SEMA6D: variants seen among roughly 807,000 people sequenced by gnomAD.
The protein encoded by SEMA6D is semaphorin-6D.
Under a neutral mutation model 106.6 loss-of-function variants are expected in SEMA6D, and 35 were observed. The ratio of observed to expected loss-of-function variants is 0.33; its 90% confidence interval spans 0.25 to 0.44. The LOEUF (loss-of-function observed/expected upper bound fraction) is 0.44. SEMA6D is among the 20% of genes least tolerant of loss of function. The pLI, the probability that SEMA6D is intolerant of heterozygous loss-of-function variation, is 1.00. For synonymous variants in SEMA6D, 499 were observed against 487.7 expected, an observed-to-expected ratio of 1.02 and a Z score of -0.31; for missense variants, 1,185 against 1,345.9, an observed-to-expected ratio of 0.88 and a Z score of 1.87.
intron 1 of SEMA6D, among the ~76,000 whole-genome samples, chr15:47,232,733 T>G (rs1452911780): frequency 6.7e-6 from 1 of 148,282 alleles, no homozygotes; most frequent in Non-Finnish European, 1.5e-5. Context: ...ATACTTTGTT[T>G]GAAAAAATGA....
intron 1 of SEMA6D, among the ~76,000 whole-genome samples, chr15:47,734,544 C>A (rs2080335422): frequency 6.6e-6 from 1 of 152,188 alleles, no homozygotes; most frequent in South Asian, 2.1e-4. Flanking sequence ...CTGTATTGAT[C>A]TGAGTAAGCA....
At chr15:47,722,680 A>G (rs1450337183) in intron 1 of SEMA6D, among the ~76,000 whole-genome samples, 1 of 152,182 alleles carries the variant, frequency 6.6e-6, no homozygotes, top group Non-Finnish European at 1.5e-5. Flanking sequence ...GTTAGCATGT[A>G]GTCTTTCTTC....
At chr15:47,276,581 C>T (rs1038440917) in intron 1 of SEMA6D, among the ~76,000 whole-genome samples, 4 of 152,080 alleles carry the variant, frequency 2.6e-5, no homozygotes, top group East Asian at 1.9e-4. Flanking sequence ...ATGGTTTTAG[C>T]GAATATTTTA....
chr15:47,313,709 C>T (rs1174705523), intron 1 of SEMA6D, among the ~76,000 whole-genome samples: 5 of 152,196 alleles, frequency 3.3e-5, no homozygotes, highest in Admixed American at 6.5e-5. Flanking sequence ...ATACTAAAGG[C>T]GAACACCACC....
intron 1 of SEMA6D, among the ~76,000 whole-genome samples, chr15:47,727,307 T>A (rs1219932940): frequency 6.6e-6 from 1 of 152,186 alleles, no homozygotes; most frequent in African/African-American, 2.4e-5. Flanking sequence ...CATCAATGGG[T>A]CTGTTTCGCT....
chr15:47,195,351 C>G (rs1463189465), intron 1 of SEMA6D, among the ~76,000 whole-genome samples: 1 of 152,052 alleles, frequency 6.6e-6, no homozygotes, highest in East Asian at 1.9e-4. Flanking sequence ...TTTATCTCTG[C>G]CCAGATAAGT....
intron 2 of SEMA6D, among the ~76,000 whole-genome samples, chr15:47,440,542 G>C (rs1452092727): frequency 6.6e-6 from 1 of 151,898 alleles, no homozygotes; most frequent in African/African-American, 2.4e-5. Flanking sequence ...AAGACCCCCA[G>C]CTAAACTTCA....
At chr15:47,576,453 C>A (rs1355885980) in intron 3 of SEMA6D, among the ~76,000 whole-genome samples, 2 of 152,124 alleles carry the variant, frequency 1.3e-5, no homozygotes, top group African/African-American at 4.8e-5. Context: ...TGATCAGCAC[C>A]CTACCTGTGA....
At chr15:47,645,253 T>C (rs1189144389) in intron 4 of SEMA6D, among the ~76,000 whole-genome samples, 1 of 152,148 alleles carries the variant, frequency 6.6e-6, no homozygotes, top group Non-Finnish European at 1.5e-5. Context: ...TTGTGGAAAA[T>C]GAGCGTCACT....
At chr15:47,582,321 C>T (rs576828030) in intron 3 of SEMA6D, among the ~76,000 whole-genome samples, 31 of 152,208 alleles carry the variant, frequency 2.0e-4, no homozygotes, top group Non-Finnish European at 4.1e-4. Context: ...TACGAGGCCA[C>T]ACCATGAGTC....
Position 47,717,505 on chromosome 15 carries a change from G to A in SEMA6D, c.-242G>A, listed in dbSNP as rs112183108. ...CATCGGTTTGTTTTGCTCCTGCTCT[G>A]TCCCGCTGCTGCTGCTGCTGCTGCA... On this transcript the variant is annotated 5_prime_UTR_variant, in exon 1 of 19. Coordinates refer to ENST00000536845, the MANE Select transcript of SEMA6D (RefSeq NM_001358351.3). 459 of 155,146 alleles carry A rather than the reference G, an allele frequency of 3.0e-3. No homozygotes were observed. The highest frequency in any genetic ancestry group is 0.011 in the African/African-American group (441 of 41,576). 9.6% of individuals were successfully genotyped at this position (155,146 alleles called of 1,614,324 possible).
chr15:47,303,189 C>T (rs531443812), intron 1 of SEMA6D, among the ~76,000 whole-genome samples: 17 of 152,284 alleles, frequency 1.1e-4, no homozygotes, highest in Middle Eastern at 3.4e-3. Context: ...CCTTCATCAC[C>T]GCCTTGTTCC....
At chr15:47,355,424 A>G (rs770700238) in intron 1 of SEMA6D, among the ~76,000 whole-genome samples, 1 of 152,236 alleles carries the variant, frequency 6.6e-6, no homozygotes, top group Non-Finnish European at 1.5e-5. Flanking sequence ...CCTAAGAAAG[A>G]CATTCAGAAA....
intron 1 of SEMA6D, chr15:47,380,554 A>G (rs1489919749): frequency 6.6e-6 from 1 of 152,234 alleles, no homozygotes; most frequent in Non-Finnish European, 1.5e-5. Flanking sequence ...TTTCATATTC[A>G]TATTTAATTC....
chr15:47,772,094 A>T lies in SEMA6D; in HGVS notation c.*309A>T, dbSNP rs2082653194. On this transcript the variant is annotated 3_prime_UTR_variant, in exon 19 of 19. Transcript: ENST00000536845. ...AGAGCTGATAACAGTACTCAGAAGA[A>T]TCTGTGAACAAATACTTGAAAATGG... 3.4e-6 allele frequency: 1 copy of T among 296,752 alleles called. No homozygotes were observed. The allele number at this position is 296,752 out of a possible 1,614,324, so 18.4% of individuals were successfully genotyped here.
chr15:47,197,361 T>C (rs1043539552), intron 1 of SEMA6D, among the ~76,000 whole-genome samples: 2 of 152,306 alleles, frequency 1.3e-5, no homozygotes, highest in South Asian at 2.1e-4. Context: ...CTTTAAATCA[T>C]TGGAATAGAG....
intron 4 of SEMA6D, among the ~76,000 whole-genome samples, chr15:47,681,402 G>A (rs371259004): frequency 1.2e-4 from 18 of 152,252 alleles, no homozygotes; most frequent in African/African-American, 4.3e-4. Context: ...GTAGCCAAAC[G>A]CATAGAAGCA....
chr15:47,681,995 T>C (rs1227576885), intron 4 of SEMA6D, among the ~76,000 whole-genome samples: 1 of 152,156 alleles, frequency 6.6e-6, no homozygotes, highest in Non-Finnish European at 1.5e-5. Flanking sequence ...AATATTCAAT[T>C]TTTATAAAAG....
chr15:47,236,248 T>G (rs530233828), intron 1 of SEMA6D, among the ~76,000 whole-genome samples: 1 of 152,186 alleles, frequency 6.6e-6, no homozygotes, highest in Admixed American at 6.6e-5. Context: ...TGGGAATTGA[T>G]TATCGAAGAA....
Sources: gnomAD v4.1 joint callset for allele counts (sites outside exome capture counted in the v4.1 genomes callset) on GRCh38, gnomAD v4.1.1 for gene constraint, MANE v1.5 for transcripts, NCBI Gene and HGNC (gene_info 2026-07-23, HGNC 2026-07-21) for gene names.